The following PTHLH variants were observed in gnomAD, a reference collection of about 807,000 sequenced individuals.
PTHLH encodes the protein parathyroid hormone-related protein.
Under a neutral mutation model 18.6 loss-of-function variants are expected in PTHLH, and 5 were observed. That is an observed-to-expected ratio of 0.27 (90% CI 0.14 to 0.56). The LOEUF (loss-of-function observed/expected upper bound fraction) is 0.56, where lower values mean the gene tolerates loss of function less well. Among genes scored for constraint, PTHLH ranks in the 20% least tolerant of loss-of-function variants. PTHLH has a pLI of 0.92. For missense variants in PTHLH, 207 were observed against 223.9 expected (o/e 0.92, Z 0.48); for synonymous variants, 90 against 94.0 (o/e 0.96, Z 0.25).
chr12:27,969,046 A>C, intron 4 of PTHLH: 1 of 303,656 alleles, frequency 3.3e-6, no homozygotes, highest in Non-Finnish European at 6.3e-6. Context: ...GCTTCCTCCG[A>C]GTTTCAGAAG....
intron 4 of PTHLH, among the ~76,000 whole-genome samples, chr12:27,967,195 T>G (rs1286960695): frequency 6.6e-6 from 1 of 152,248 alleles, no homozygotes; most frequent in African/African-American, 2.4e-5. Flanking sequence ...AGAAGCCTTG[T>G]TCATCTGCAC....
intron 5 of PTHLH, among the ~76,000 whole-genome samples, chr12:27,959,267 T>C (rs1445468756): frequency 6.6e-6 from 1 of 152,212 alleles, no homozygotes; most frequent in Non-Finnish European, 1.5e-5. Context: ...TGTCTCTCAC[T>C]CTGTTGGTTT....
chr12:27,962,539 G>A (rs2062771252), intron 5 of PTHLH: 1 of 985,208 alleles, frequency 1.0e-6, no homozygotes, highest in Non-Finnish European at 1.2e-6. Context: ...CAAAGTCTAG[G>A]AGTGTCATTA....
intron 2 of PTHLH, chr12:27,970,485 G>A (rs2062861251): frequency 6.6e-6 from 1 of 151,404 alleles, no homozygotes; most frequent in South Asian, 2.1e-4. Context: ...TGCCGACCCC[G>A]GAGCTGTCAG....
At position 27,963,620 on chromosome 12, in the gene PTHLH, G is replaced by A; in HGVS notation, c.252C>T (p.Pro84=). The change falls in exon 5 of 6, where the codon CCC becomes CCT. Residue 84 remains proline, a synonymous_variant. Transcript: ENST00000545234. ...ATSEVSPNSK[P]SPNTKNHPVR... is the part of the protein sequence containing the mutation. ...CGGGGTGGTTCTTTGTGTTGGGAGA[G>A]GGCTTGGAGTTAGGGGACACCTCCG... The A allele has an allele frequency of 2.5e-6, 4 of 1,614,142 alleles. No homozygotes were observed. Among genetic ancestry groups the A allele is most frequent in the African/African-American group, 1.3e-5 (1 of 75,024 alleles).
At chr12:27,961,912 T>A (rs1463228075) in intron 5 of PTHLH, 2 of 717,360 alleles carry the variant, frequency 2.8e-6, no homozygotes, top group Non-Finnish European at 5.0e-6. Flanking sequence ...AACAGGGGAC[T>A]CTTAAATAAT....
intron 5 of PTHLH, 185 bp from the exon 6 acceptor site, chr12:27,958,753 C>CT (rs1194089463): frequency 7.8e-6 from 4 of 513,334 alleles, no homozygotes; most frequent in Non-Finnish European, 1.3e-5. Context: ...TCCATAACCT[C>CT]TGTTACAGGC....
intron 5 of PTHLH, among the ~76,000 whole-genome samples, chr12:27,960,986 G>T (rs1228771403): frequency 6.6e-6 from 1 of 151,888 alleles, no homozygotes; most frequent in Non-Finnish European, 1.5e-5. Flanking sequence ...CTGTTGGATT[G>T]TGTTGGGAGA....
intron 2 of PTHLH, among the ~76,000 whole-genome samples, chr12:27,970,884 G>C (rs924266075): frequency 1.3e-5 from 2 of 152,234 alleles, no homozygotes; most frequent in African/African-American, 2.4e-5. Flanking sequence ...GGGATGAACT[G>C]AGTGGGGAGC....
chr12:27,970,508 G>A (rs2062861700), intron 2 of PTHLH, among the ~76,000 whole-genome samples: 1 of 151,662 alleles, frequency 6.6e-6, no homozygotes, highest in Non-Finnish European at 1.5e-5. Context: ...GCTCTGCCGA[G>A]CCCCACCCCG....
intron 4 of PTHLH, among the ~76,000 whole-genome samples, chr12:27,968,703 T>G (rs1159966698): frequency 3.3e-5 from 5 of 152,188 alleles, no homozygotes; most frequent in African/African-American, 1.2e-4. Flanking sequence ...AAGTTTTCAG[T>G]CTACAATGCA....
At chr12:27,965,506 G>T (rs2062804889) in intron 4 of PTHLH, among the ~76,000 whole-genome samples, 2 of 152,200 alleles carry the variant, frequency 1.3e-5, no homozygotes, top group Non-Finnish European at 2.9e-5. Flanking sequence ...ATGAGTCAAA[G>T]AAAAGAGTAA....
At chr12:27,969,268 G>A (rs1483785931) in intron 4 of PTHLH, 126 bp downstream of exon 4, 19 of 910,610 alleles carry the variant, frequency 2.1e-5, no homozygotes, top group Non-Finnish European at 3.0e-5. Context: ...TATCCGGGAT[G>A]GTCCCTCTCC....
At chr12:27,967,095 T>G (rs931318596) in intron 4 of PTHLH, among the ~76,000 whole-genome samples, 5 of 152,260 alleles carry the variant, frequency 3.3e-5, no homozygotes, top group African/African-American at 1.2e-4. Context: ...AGACCCAGTC[T>G]GGCTCCTAAG....
chr12:27,963,662 A>C lies in PTHLH; in HGVS notation c.210T>G (p.Ala70=). 3.7e-6 allele frequency: 6 copies of C among 1,613,828 alleles called. No homozygotes were observed. Among genetic ancestry groups the C allele is most frequent in the Non-Finnish European group, 5.1e-6 (6 of 1,179,894 alleles). ...LHHLIAEIHT[A]EIRATSEVSP... is the part of the protein sequence containing the mutation. Reference sequence around the variant, plus strand: ...ACACCTCCGAGGTAGCTCTGATTTCAGCTGTGTGGATTTCTGCGATCAGAT... The same window carrying C: ...ACACCTCCGAGGTAGCTCTGATTTCCGCTGTGTGGATTTCTGCGATCAGAT... The change falls in exon 5 of 6, where the codon GCT becomes GCG. Residue 70 remains alanine, a synonymous_variant. Coordinates refer to ENST00000545234, the MANE Select transcript of PTHLH (RefSeq NM_198965.2).
intron 3 of PTHLH, 63 bp downstream of exon 3, chr12:27,969,962 G>A: frequency 1.9e-6 from 1 of 519,242 alleles, no homozygotes; most frequent in Admixed American, 1.9e-5. Context: ...TGCGAACCAG[G>A]CCCTTTCGTT....
At chr12:27,962,843 T>G in intron 5 of PTHLH, 1 of 978,408 alleles carries the variant, frequency 1.0e-6, no homozygotes, top group Non-Finnish European at 1.2e-6. Context: ...TACATTTAAT[T>G]AAATAAAAAG....
chr12:27,963,310 G>A, intron 5 of PTHLH, 38 bp downstream of exon 5: 1 of 1,614,122 alleles, frequency 6.2e-7, no homozygotes, highest in Non-Finnish European at 8.5e-7. Flanking sequence ...CCAGCTGAGA[G>A]CACCCCGCTG....
intron 5 of PTHLH, among the ~76,000 whole-genome samples, chr12:27,961,300 C>CGTATATATATATACGT (rs1565520067): frequency 1.2e-3 from 15 of 12,674 alleles, no homozygotes; most frequent in South Asian, 1.7e-3. Flanking sequence ...TATATATATA[C>CGTATATATATATACGT]GTATATATAT....
Sources: gnomAD v4.1 joint callset for allele counts (sites outside exome capture counted in the v4.1 genomes callset) on GRCh38, gnomAD v4.1.1 for gene constraint, MANE v1.5 for transcripts, NCBI Gene and HGNC (gene_info 2026-07-23, HGNC 2026-07-21) for gene names.